Variants in GNA12 observed in about 807,000 individuals in gnomAD.
The protein encoded by GNA12 is guanine nucleotide-binding protein subunit alpha-12.
In GNA12, 9 loss-of-function variants were observed where a neutral mutation model predicts 26.0. The ratio of observed to expected loss-of-function variants is 0.35; its 90% confidence interval spans 0.21 to 0.60. GNA12 has a LOEUF of 0.60. Ranked by LOEUF, GNA12 falls within the 20% of genes least tolerant of loss-of-function variation. The pLI, the probability that GNA12 is intolerant of heterozygous loss-of-function variation, is 0.78. For missense variants in GNA12, 405 were observed against 525.8 expected, an observed-to-expected ratio of 0.77 and a Z score of 2.25; for synonymous variants, 264 against 219.6, an observed-to-expected ratio of 1.20 and a Z score of -1.79.
At chr7:2,770,496 C>T (rs1206714987) in intron 2 of GNA12, among the ~76,000 whole-genome samples, 1 of 152,124 alleles carries the variant, frequency 6.6e-6, no homozygotes, top group Non-Finnish European at 1.5e-5. Flanking sequence ...TGGTGCACAC[C>T]TGTAGTCTCA....
intron 2 of GNA12, among the ~76,000 whole-genome samples, chr7:2,790,123 C>T (rs889784715): frequency 3.3e-5 from 5 of 152,218 alleles, no homozygotes; most frequent in Non-Finnish European, 7.3e-5. Context: ...CCACCTCACT[C>T]CGCACTGTCT....
Position 2,779,460 on chromosome 7 carries a change from T to C in GNA12, c.525+15468A>G, listed in dbSNP as rs548418470. ...GCGAGTTCGAGGCTACAGTGAGCTA[T>C]GATCACGCTACTACACTCCAGCCTG... is the stretch of plus-strand genomic sequence containing the variant. On this transcript the variant is annotated intron_variant, in intron 2 of 3. Transcript: ENST00000275364. 2.6e-5 allele frequency among the ~76,000 whole-genome samples: 4 copies of C among 151,792 alleles called. No homozygotes were observed. In the South Asian group the frequency reaches 8.4e-4, roughly 32 times the overall value.
At chr7:2,813,836 C>G (rs1793144911) in intron 1 of GNA12, among the ~76,000 whole-genome samples, 1 of 152,164 alleles carries the variant, frequency 6.6e-6, no homozygotes, top group Non-Finnish European at 1.5e-5. Flanking sequence ...GTGCCTGATG[C>G]AACACCGTTC....
chr7:2,785,931 G>C (rs184255305), intron 2 of GNA12, among the ~76,000 whole-genome samples: 1 of 152,218 alleles, frequency 6.6e-6, no homozygotes, highest in Non-Finnish European at 1.5e-5. Flanking sequence ...GTCAGGTGTG[G>C]TGGCGGACGC....
intron 2 of GNA12, among the ~76,000 whole-genome samples, chr7:2,750,299 A>G (rs1790970705): frequency 6.6e-6 from 1 of 152,356 alleles, no homozygotes; most frequent in East Asian, 1.9e-4. Flanking sequence ...GCAGAGGCAG[A>G]CAGGCAAATG....
chr7:2,743,517 G>C (rs2115336031), intron 2 of GNA12, among the ~76,000 whole-genome samples: 1 of 152,328 alleles, frequency 6.6e-6, no homozygotes, highest in Admixed American at 6.5e-5. Flanking sequence ...AAATGCTCAT[G>C]TTGAATAAAG....
intron 2 of GNA12, among the ~76,000 whole-genome samples, chr7:2,759,402 C>G (rs1791455014): frequency 6.6e-6 from 1 of 152,142 alleles, no homozygotes; most frequent in African/African-American, 2.4e-5. Context: ...TCACAATACT[C>G]ACGGTGTGTT....
chr7:2,791,326 G>A (rs1445940722), intron 2 of GNA12, among the ~76,000 whole-genome samples: 1 of 152,216 alleles, frequency 6.6e-6, no homozygotes, highest in East Asian at 1.9e-4. Context: ...ACCAGCAGTG[G>A]ACAGCAATGG....
chr7:2,778,715 T>A (rs927764318), intron 2 of GNA12, among the ~76,000 whole-genome samples: 1 of 152,212 alleles, frequency 6.6e-6, no homozygotes, highest in African/African-American at 2.4e-5. Flanking sequence ...TGTTTTCACA[T>A]CTCTCAGAGT....
At chr7:2,772,269 G>C (rs1791967771) in intron 2 of GNA12, among the ~76,000 whole-genome samples, 1 of 152,190 alleles carries the variant, frequency 6.6e-6, no homozygotes, top group African/African-American at 2.4e-5. Flanking sequence ...ATGTACAAAA[G>C]GTGCCAAACA....
rs1297380964 is a variant in GNA12, at chr7:2,730,317, T to G, written c.*864A>C. ...CAAGGGGACCTGGTTTCTGTGTCTT[T>G]GCCGTTGGGTTGGGCAGTGGGTGGC... On this transcript the variant is annotated 3_prime_UTR_variant, in exon 4 of 4. Coordinates refer to ENST00000275364, the MANE Select transcript of GNA12 (RefSeq NM_007353.3). 1.3e-5 allele frequency: 2 copies of G among 152,526 alleles called. No homozygotes were observed. Among genetic ancestry groups the G allele is most frequent in the African/African-American group, 4.8e-5 (2 of 41,440 alleles). The allele number at this position is 152,526 out of a possible 1,614,324, so 9.4% of individuals were successfully genotyped here.
chr7:2,816,269 C>G (rs1312329973), intron 1 of GNA12, among the ~76,000 whole-genome samples: 1 of 145,464 alleles, frequency 6.9e-6, no homozygotes, highest in Non-Finnish European at 1.5e-5. Flanking sequence ...TTGATCTCGC[C>G]GCCCAGGCTG....
chr7:2,842,132 G>A (rs1779013443), intron 1 of GNA12, among the ~76,000 whole-genome samples: 1 of 89,718 alleles, frequency 1.1e-5, no homozygotes, highest in Non-Finnish European at 2.7e-5. Flanking sequence ...AGAAAAGAAA[G>A]GAAGGAAAGA....
chr7:2,837,522 G>T (rs546581210), intron 1 of GNA12, among the ~76,000 whole-genome samples: 2 of 152,202 alleles, frequency 1.3e-5, no homozygotes, highest in African/African-American at 4.8e-5. Flanking sequence ...ATGGGATGAA[G>T]CCTGTGCCAA....
chr7:2,787,876 C>T (rs971515871), intron 2 of GNA12, among the ~76,000 whole-genome samples: 8 of 152,328 alleles, frequency 5.3e-5, no homozygotes, highest in East Asian at 3.9e-4. Flanking sequence ...ATGCCAGGGC[C>T]GGGCACCATG....
Position 2,828,471 on chromosome 7 carries a change from G to A in GNA12, c.309+15382C>T, listed in dbSNP as rs114074971. ...TGTGCTCAAGCGATCCTCCTGCCTCGGCCTCCCAAACTGCTGGGATTACAG... is the reference window on the plus strand; with the variant it reads ...TGTGCTCAAGCGATCCTCCTGCCTCAGCCTCCCAAACTGCTGGGATTACAG... On this transcript the variant is annotated intron_variant, in intron 1 of 3. Transcript: ENST00000275364. Among the ~76,000 whole-genome samples, 823 of 152,148 alleles carry A rather than the reference G, an allele frequency of 5.4e-3. 7 individuals carry two copies. The highest frequency in any genetic ancestry group is 0.019 in the African/African-American group (770 of 41,496).
intron 2 of GNA12, chr7:2,760,562 C>T (rs796746061): frequency 2.6e-5 from 4 of 152,356 alleles, no homozygotes; most frequent in Non-Finnish European, 4.4e-5. Context: ...TATGGCACCA[C>T]GTCACATCAG....
intron 2 of GNA12, among the ~76,000 whole-genome samples, chr7:2,768,690 A>AC (rs768673881): frequency 0.13 from 18,882 of 149,238 alleles, 1,375 homozygotes; most frequent in Middle Eastern, 0.18. Flanking sequence ...AACAAAACAA[A>AC]AAAAAAAACA....
At chr7:2,826,101 G>A (rs921087943) in intron 1 of GNA12, among the ~76,000 whole-genome samples, 3 of 152,128 alleles carry the variant, frequency 2.0e-5, no homozygotes, top group Admixed American at 6.5e-5. Context: ...TACTCGGGCC[G>A]GGGGCGGTGG....
Sources: gnomAD v4.1 joint callset for allele counts (sites outside exome capture counted in the v4.1 genomes callset) on GRCh38, gnomAD v4.1.1 for gene constraint, MANE v1.5 for transcripts, NCBI Gene and HGNC (gene_info 2026-07-23, HGNC 2026-07-21) for gene names.